ABAT: variants seen among roughly 807,000 people sequenced by gnomAD.
ABAT encodes the protein 4-aminobutyrate aminotransferase, also known as 4-aminobutyrate aminotransferase, mitochondrial.
Under a neutral mutation model 64.6 loss-of-function variants are expected in ABAT, and 45 were observed. The observed-to-expected ratio is 0.70, with a 90% CI of 0.55 to 0.89. The LOEUF (loss-of-function observed/expected upper bound fraction) is 0.89. Among genes scored for constraint, ABAT ranks in the 40% least tolerant of loss-of-function variants. The pLI, the probability that ABAT is intolerant of heterozygous loss-of-function variation, is 0.00. For missense variants in ABAT, 633 were observed against 658.4 expected (o/e 0.96, Z 0.42); for synonymous variants, 297 against 250.5 (o/e 1.19, Z -1.75).
intron 11 of ABAT, among the ~76,000 whole-genome samples, chr16:8,770,640 C>T (rs1265890553): frequency 1.3e-5 from 2 of 151,830 alleles, no homozygotes; most frequent in East Asian, 1.9e-4. Flanking sequence ...CAGGTTTTGC[C>T]GTGTTGCCCA....
At chr16:8,688,746 C>G (rs1345873618) in intron 1 of ABAT, among the ~76,000 whole-genome samples, 2 of 152,144 alleles carry the variant, frequency 1.3e-5, no homozygotes, top group Admixed American at 1.3e-4. Flanking sequence ...AGCCACCAAG[C>G]CTGGTCTTCC....
At chr16:8,774,447 T>G (rs1481470880) in intron 12 of ABAT, among the ~76,000 whole-genome samples, 1 of 152,118 alleles carries the variant, frequency 6.6e-6, no homozygotes, top group Non-Finnish European at 1.5e-5. Context: ...ATAAAAGTTA[T>G]AAGACGTGAG....
chr16:8,682,553 C>G (rs1596396794), intron 1 of ABAT, among the ~76,000 whole-genome samples: 1 of 152,108 alleles, frequency 6.6e-6, no homozygotes, highest in Non-Finnish European at 1.5e-5. Flanking sequence ...CACCGGCGGC[C>G]AGAATGCTCC....
intron 1 of ABAT, among the ~76,000 whole-genome samples, chr16:8,676,455 G>A (rs2057204950): frequency 6.6e-6 from 1 of 152,054 alleles, no homozygotes; most frequent in East Asian, 1.9e-4. Context: ...CCACTTGTCA[G>A]AGGAAGCGCC....
At chr16:8,729,486 G>C (rs908699032) in intron 1 of ABAT, among the ~76,000 whole-genome samples, 3 of 152,140 alleles carry the variant, frequency 2.0e-5, no homozygotes, top group African/African-American at 7.2e-5. Context: ...TACTCCTATA[G>C]ATGTTTGAGC....
At chr16:8,731,762 C>T (rs1312223929) in intron 1 of ABAT, among the ~76,000 whole-genome samples, 1 of 152,102 alleles carries the variant, frequency 6.6e-6, no homozygotes, top group Non-Finnish European at 1.5e-5. Context: ...AGAACTACTT[C>T]ATCCTGCAAA....
chr16:8,743,356 C>T (rs1186873723), intron 2 of ABAT, among the ~76,000 whole-genome samples: 10 of 139,946 alleles, frequency 7.1e-5, no homozygotes, highest in African/African-American at 2.2e-4. Flanking sequence ...GTGTGTGTCA[C>T]GGGAGATCTT....
chr16:8,777,836 G>A (rs1346131283), intron 14 of ABAT, among the ~76,000 whole-genome samples: 5 of 152,178 alleles, frequency 3.3e-5, no homozygotes, highest in Non-Finnish European at 7.3e-5. Context: ...CCCACTGCCA[G>A]GCACAGGGGC....
At chr16:8,678,808 G>T (rs2057263493) in intron 1 of ABAT, among the ~76,000 whole-genome samples, 1 of 152,174 alleles carries the variant, frequency 6.6e-6, no homozygotes, top group African/African-American at 2.4e-5. Context: ...TCCTGACCTT[G>T]AAAGGTTCCT....
chr16:8,745,755 G>A (rs1300866820), intron 2 of ABAT, among the ~76,000 whole-genome samples: 1 of 152,190 alleles, frequency 6.6e-6, no homozygotes, highest in Admixed American at 6.5e-5. Flanking sequence ...ACTCATGCCA[G>A]TAAAACAGGA....
intron 9 of ABAT, among the ~76,000 whole-genome samples, chr16:8,767,392 C>G (rs2142960572): frequency 6.6e-6 from 1 of 152,312 alleles, no homozygotes; most frequent in East Asian, 1.9e-4. Flanking sequence ...CCAGCTCGGC[C>G]CCTTGCCTTG....
chr16:8,707,103 A>C (rs1329223015), intron 1 of ABAT, among the ~76,000 whole-genome samples: 7 of 152,142 alleles, frequency 4.6e-5, no homozygotes, highest in Non-Finnish European at 1.0e-4. Flanking sequence ...CTAAGAAGTG[A>C]CAGGCTAGGG....
intron 6 of ABAT, among the ~76,000 whole-genome samples, chr16:8,761,703 G>C (rs2059802483): frequency 6.6e-6 from 1 of 152,164 alleles, no homozygotes; most frequent in Admixed American, 6.5e-5. Flanking sequence ...AGTAGGCCGG[G>C]GCACCACTGG....
chr16:8,746,204 T>A, intron 3 of ABAT, 106 bp downstream of exon 3: 1 of 850,078 alleles, frequency 1.2e-6, no homozygotes, highest in Non-Finnish European at 1.9e-6. Context: ...TCAGCTGCTT[T>A]CAGAGAGTTC....
At chr16:8,718,770 CACGATTGGCATTCATTCG>C (rs2058283284) in intron 1 of ABAT, among the ~76,000 whole-genome samples, 1 of 152,188 alleles carries the variant, frequency 6.6e-6, no homozygotes, top group Non-Finnish European at 1.5e-5. Flanking sequence ...GAAACCTTGA[CACGATTGGCATTCATTCG>C]TAAAATCAGA....
intron 12 of ABAT, among the ~76,000 whole-genome samples, chr16:8,773,646 A>C (rs1264599349): frequency 1.3e-5 from 2 of 152,162 alleles, no homozygotes; most frequent in Non-Finnish European, 2.9e-5. Flanking sequence ...TGGACACTAG[A>C]TCTTATTCTT....
intron 14 of ABAT, among the ~76,000 whole-genome samples, chr16:8,777,439 A>G (rs1227632986): frequency 1.3e-5 from 2 of 152,210 alleles, no homozygotes; most frequent in African/African-American, 4.8e-5. Context: ...ATTCCAGGCA[A>G]TAGGAAGGAA....
intron 1 of ABAT, among the ~76,000 whole-genome samples, chr16:8,717,241 G>A (rs959848600): frequency 6.6e-6 from 1 of 152,182 alleles, no homozygotes; most frequent in African/African-American, 2.4e-5. Context: ...AGTGAGCCGA[G>A]ATTGTGCCAC....
Position 8,678,814 on chromosome 16 carries a change from T to C in ABAT, c.-42+4103T>C, listed in dbSNP as rs182082332. On this transcript the variant is annotated intron_variant, in intron 1 of 15. Coordinates refer to ENST00000268251, the MANE Select transcript of ABAT (RefSeq NM_020686.6). ...GATCCACATTCCTGACCTTGAAAGG[T>C]TCCTGAGTCATATTATTTAGTGAAA... is the stretch of plus-strand genomic sequence containing the variant. Among the ~76,000 whole-genome samples the C allele has an allele frequency of 1.4e-3, 220 of 152,286 alleles. 1 individual carries two copies. The highest frequency in any genetic ancestry group is 5.1e-3 in the African/African-American group (210 of 41,550).
Sources: gnomAD v4.1 joint callset for allele counts (sites outside exome capture counted in the v4.1 genomes callset) on GRCh38, gnomAD v4.1.1 for gene constraint, MANE v1.5 for transcripts, NCBI Gene and HGNC (gene_info 2026-07-23, HGNC 2026-07-21) for gene names.